FSTL5: variants seen among roughly 807,000 people sequenced by gnomAD.
The protein encoded by FSTL5 is follistatin-related protein 5.
A neutral mutation model predicts 89.1 loss-of-function variants in FSTL5; 62 were observed. The ratio of observed to expected loss-of-function variants is 0.70; its 90% CI spans 0.57 to 0.86. The LOEUF is 0.86. Among genes scored for constraint, FSTL5 ranks in the 40% least tolerant of loss-of-function variants. The pLI is 0.00. For synonymous variants in FSTL5, 383 were observed against 346.2 expected, an observed-to-expected ratio of 1.11 and a Z score of -1.18; for missense variants, 1,057 against 1,001.6, an observed-to-expected ratio of 1.06 and a Z score of -0.75.
intron 4 of FSTL5, among the ~76,000 whole-genome samples, chr4:161,841,059 T>A (rs1731197251): frequency 1.3e-5 from 2 of 152,190 alleles, no homozygotes; most frequent in Non-Finnish European, 2.9e-5. Context: ...CATGTCTCTG[T>A]TTCTCAGTGT....
intron 13 of FSTL5, among the ~76,000 whole-genome samples, chr4:161,470,330 A>G (rs1733893706): frequency 6.6e-6 from 1 of 152,096 alleles, no homozygotes; most frequent in Non-Finnish European, 1.5e-5. Context: ...CAGTTTTCCC[A>G]GCATCACTTG....
At chr4:161,426,470 C>G (rs1732170912) in intron 15 of FSTL5, among the ~76,000 whole-genome samples, 1 of 152,178 alleles carries the variant, frequency 6.6e-6, no homozygotes, top group Non-Finnish European at 1.5e-5. Context: ...AAACAAAAGA[C>G]AGAGCTTGTA....
At chr4:161,485,843 TA>T (rs2126461074) in intron 12 of FSTL5, among the ~76,000 whole-genome samples, 1 of 152,192 alleles carries the variant, frequency 6.6e-6, no homozygotes, top group South Asian at 2.1e-4. Flanking sequence ...AGCCATTAAT[TA>T]AATGCTAATG....
intron 4 of FSTL5, among the ~76,000 whole-genome samples, chr4:161,840,933 C>T (rs913381466): frequency 6.6e-6 from 1 of 152,102 alleles, no homozygotes. Context: ...GAGATACAGA[C>T]AGAATATGAA....
At chr4:161,773,910 T>C (rs1053341935) in intron 5 of FSTL5, among the ~76,000 whole-genome samples, 3 of 152,138 alleles carry the variant, frequency 2.0e-5, no homozygotes, top group Admixed American at 6.6e-5. Context: ...AGTAGCACAA[T>C]TGTCAATTGC....
intron 3 of FSTL5, among the ~76,000 whole-genome samples, chr4:161,995,580 T>G (rs1185910468): frequency 6.6e-6 from 1 of 152,128 alleles, no homozygotes; most frequent in African/African-American, 2.4e-5. Context: ...CATTTGTCAG[T>G]ACCTAGGAAT....
chr4:161,977,419 T>C (rs2111034951), intron 3 of FSTL5, among the ~76,000 whole-genome samples: 1 of 151,856 alleles, frequency 6.6e-6, no homozygotes, highest in East Asian at 1.9e-4. Context: ...GAGACCATCC[T>C]GCCTAACACG....
At chr4:161,611,662 A>T (rs1734657600) in intron 7 of FSTL5, among the ~76,000 whole-genome samples, 1 of 152,202 alleles carries the variant, frequency 6.6e-6, no homozygotes, top group Non-Finnish European at 1.5e-5. Flanking sequence ...CATACAGTGA[A>T]CACATAGAAA....
rs1408512191 is a variant in FSTL5 at position 161,427,004 on chromosome 4, T to C, written c.1841+28000A>G. Among the ~76,000 whole-genome samples, 39 of 152,168 alleles carry C rather than the reference T, an allele frequency of 2.6e-4. 1 individual carries two copies. The highest frequency in any genetic ancestry group is 2.4e-3 in the Admixed American group (37 of 15,280). On this transcript the variant is annotated intron_variant, in intron 15 of 15. Transcript: ENST00000306100. ...AATGTAAATAACATATTATCTAATA[T>C]AGAAAACCAAGTGTTACTAATATGC...
At chr4:162,023,182 C>T (rs1379426885) in intron 3 of FSTL5, among the ~76,000 whole-genome samples, 2 of 152,140 alleles carry the variant, frequency 1.3e-5, no homozygotes, top group Middle Eastern at 3.4e-3. Context: ...CAGGGACTAT[C>T]GTGTGGTATG....
At chr4:161,882,514 A>G (rs929310056) in intron 4 of FSTL5, among the ~76,000 whole-genome samples, 1 of 152,130 alleles carries the variant, frequency 6.6e-6, no homozygotes, top group Non-Finnish European at 1.5e-5. Flanking sequence ...TATTTTACAC[A>G]TGGTTATTCT....
chr4:162,107,682 G>A (rs1396668873), intron 2 of FSTL5, among the ~76,000 whole-genome samples: 4 of 152,126 alleles, frequency 2.6e-5, no homozygotes, highest in Non-Finnish European at 5.9e-5. Context: ...TGTGCTTATG[G>A]AGGAACAAGA....
intron 3 of FSTL5, among the ~76,000 whole-genome samples, chr4:161,964,438 A>G (rs1053157118): frequency 1.3e-5 from 2 of 152,080 alleles, no homozygotes; most frequent in East Asian, 1.9e-4. Context: ...TCAAAATCAC[A>G]TAGTGCAATG....
chr4:161,730,045 C>G (rs1739553771), intron 6 of FSTL5, among the ~76,000 whole-genome samples: 1 of 152,090 alleles, frequency 6.6e-6, no homozygotes, highest in African/African-American at 2.4e-5. Flanking sequence ...TTCTAAATAG[C>G]ATTTATTGGA....
chr4:161,636,557 A>T (rs529689001), intron 7 of FSTL5, among the ~76,000 whole-genome samples: 144 of 148,580 alleles, frequency 9.7e-4, no homozygotes, highest in Middle Eastern at 3.5e-3. Context: ...GGTGCGCTGC[A>T]CGCACTAACT....
intron 13 of FSTL5, among the ~76,000 whole-genome samples, chr4:161,469,591 A>T (rs1733864076): frequency 6.6e-6 from 1 of 151,758 alleles, no homozygotes; most frequent in Non-Finnish European, 1.5e-5. Flanking sequence ...TATATGTATA[A>T]CGTCTTTGAA....
Position 162,069,551 on chromosome 4 carries a change from G to C in FSTL5, c.127-35893C>G, listed in dbSNP as rs187472479. Among the ~76,000 whole-genome samples, 210 of 151,852 alleles carry C rather than the reference G, an allele frequency of 1.4e-3. 1 individual carries two copies. The highest frequency in any genetic ancestry group is 4.7e-3 in the African/African-American group (193 of 41,450). On this transcript the variant is annotated intron_variant, in intron 2 of 15. Coordinates refer to ENST00000306100, the MANE Select transcript of FSTL5 (RefSeq NM_020116.5). ...ACTCTCCTTATCCACCCCTTCCCCT[G>C]ACCGTTTCCAGCCTCTAATAACCAC...
At chr4:162,133,355 C>G (rs1329947537) in intron 1 of FSTL5, among the ~76,000 whole-genome samples, 3 of 152,154 alleles carry the variant, frequency 2.0e-5, no homozygotes, top group African/African-American at 4.8e-5. Flanking sequence ...GTCACACAGA[C>G]AGTATGTTAC....
chr4:161,986,959 AG>A (rs1448436647), intron 3 of FSTL5, among the ~76,000 whole-genome samples: 1 of 152,156 alleles, frequency 6.6e-6, no homozygotes, highest in African/African-American at 2.4e-5. Flanking sequence ...CAAAACTAGA[AG>A]TTGTGAAATT....
Sources: gnomAD v4.1 joint callset for allele counts (sites outside exome capture counted in the v4.1 genomes callset) on GRCh38, gnomAD v4.1.1 for gene constraint, MANE v1.5 for transcripts, NCBI Gene and HGNC (gene_info 2026-07-23, HGNC 2026-07-21) for gene names.